Variants in IFNAR1 observed in about 807,000 individuals in gnomAD.
IFNAR1 encodes interferon alpha/beta receptor 1.
In IFNAR1, 47 loss-of-function variants were observed where a neutral mutation model predicts 62.1. The ratio of observed to expected loss-of-function variants is 0.76; its 90% confidence interval spans 0.60 to 0.97. The LOEUF (loss-of-function observed/expected upper bound fraction) is 0.97. Among genes scored for constraint, IFNAR1 ranks in the 50% least tolerant of loss-of-function variants. The pLI is 0.00. For synonymous variants in IFNAR1, 219 were observed against 226.9 expected (o/e 0.97, Z 0.31); for missense variants, 638 against 654.5 (o/e 0.97, Z 0.27).
chr21:33,345,285 G>C lies in IFNAR1; in HGVS notation c.713G>C (p.Ser238Thr), dbSNP rs775808557. 2 of 1,603,834 alleles carry C rather than the reference G, an allele frequency of 1.2e-6. No homozygotes were observed. Among genetic ancestry groups the C allele is most frequent in the South Asian group, 1.1e-5 (1 of 90,388 alleles). Reference sequence around the variant, plus strand: ...CCTCCACCAGAAAATATAGAAGTCAGTGTCCAAAATCAGAACTATGTTCTT... The same window carrying C: ...CCTCCACCAGAAAATATAGAAGTCACTGTCCAAAATCAGAACTATGTTCTT... ...ELPPPENIEV[S>T]VQNQNYVLKW... The change falls in exon 6 of 11, where the codon AGT becomes ACT. Residue 238 changes from serine (S) to threonine (T), a missense_variant. Ser to Thr is a moderately conservative substitution (Grantham distance 58). Transcript: ENST00000270139.
chr21:33,349,339 T>C (rs1601863420), intron 7 of IFNAR1, 49 bp downstream of exon 7: 1 of 1,570,430 alleles, frequency 6.4e-7, no homozygotes, highest in South Asian at 1.2e-5. Context: ...GTGCAAGTTT[T>C]TAAAATTGTT....
intron 1 of IFNAR1, among the ~76,000 whole-genome samples, chr21:33,327,532 T>C (rs1264335588): frequency 6.6e-6 from 1 of 152,224 alleles, no homozygotes; most frequent in Non-Finnish European, 1.5e-5. Flanking sequence ...ATCCTGAGTC[T>C]GGACTAATAG....
At chr21:33,334,330 A>G (rs1219989387) in intron 1 of IFNAR1, among the ~76,000 whole-genome samples, 1 of 152,208 alleles carries the variant, frequency 6.6e-6, no homozygotes, top group Non-Finnish European at 1.5e-5. Context: ...CAAACTTTTG[A>G]AAGCCAAAGA....
intron 3 of IFNAR1, 106 bp downstream of exon 3, chr21:33,341,280 A>G (rs939719015): frequency 4.9e-6 from 4 of 822,856 alleles, no homozygotes; most frequent in Non-Finnish European, 7.4e-6. Flanking sequence ...CATCTTTTAA[A>G]AAGAACAAAA....
chr21:33,348,669 G>T (rs973791382), intron 6 of IFNAR1, among the ~76,000 whole-genome samples: 3 of 152,074 alleles, frequency 2.0e-5, no homozygotes, highest in African/African-American at 7.2e-5. Flanking sequence ...AGGCCTGGTG[G>T]CGTGCACCTG....
At position 33,355,681 on chromosome 21, in the gene IFNAR1, T is replaced by C; in HGVS notation, c.*132T>C. Reference sequence around the variant, plus strand: ...TAGGGAAAGAAAAAACATCTTCAGATCATAGGTCCTAAAAATACGGGCAAG... The same window carrying C: ...TAGGGAAAGAAAAAACATCTTCAGACCATAGGTCCTAAAAATACGGGCAAG... On this transcript the variant is annotated 3_prime_UTR_variant, in exon 11 of 11. Transcript: ENST00000270139. The C allele has an allele frequency of 1.9e-6, 1 of 525,466 alleles. No homozygotes were observed. The highest frequency in any genetic ancestry group is 3.0e-5 in the South Asian group (1 of 33,700). 32.6% of individuals were successfully genotyped at this position (525,466 alleles called of 1,614,324 possible).
chr21:33,351,189 A>G (rs2083393659), intron 8 of IFNAR1, among the ~76,000 whole-genome samples: 1 of 152,178 alleles, frequency 6.6e-6, no homozygotes. Flanking sequence ...CTGCCGGATT[A>G]TGTGATTGGT....
intron 2 of IFNAR1, among the ~76,000 whole-genome samples, chr21:33,339,927 C>CAAAA (rs532975886): frequency 2.7e-4 from 22 of 81,818 alleles, no homozygotes; most frequent in African/African-American, 8.8e-4. Flanking sequence ...GACTCTGTCT[C>CAAAA]AAAAAAAAAA....
At chr21:33,344,786 T>TTATTTATGTATG (rs2083329665) in intron 5 of IFNAR1, among the ~76,000 whole-genome samples, 6 of 150,990 alleles carry the variant, frequency 4.0e-5, no homozygotes, top group Non-Finnish European at 7.4e-5. Context: ...ATTTATTTAT[T>TTATTTATGTATG]TATTTATTTA....
intron 10 of IFNAR1, among the ~76,000 whole-genome samples, chr21:33,354,235 G>A (rs1001139022): frequency 2.0e-5 from 3 of 152,166 alleles, no homozygotes; most frequent in Non-Finnish European, 2.9e-5. Flanking sequence ...CCAGCTACTC[G>A]GGAGGCTGAG....
At chr21:33,335,915 C>CTTTT (rs200187308) in intron 2 of IFNAR1, among the ~76,000 whole-genome samples, 7 of 135,108 alleles carry the variant, frequency 5.2e-5, no homozygotes, top group Admixed American at 1.5e-4. Flanking sequence ...GTTCCAGCTT[C>CTTTT]TTTTTTTTTT....
intron 10 of IFNAR1, among the ~76,000 whole-genome samples, chr21:33,354,592 C>G (rs953266854): frequency 6.6e-6 from 1 of 152,208 alleles, no homozygotes; most frequent in African/African-American, 2.4e-5. Context: ...TTGTTTGGCA[C>G]TTCTATGAAG....
chr21:33,338,578 AC>A (rs112612955), intron 2 of IFNAR1, among the ~76,000 whole-genome samples: 19,713 of 150,482 alleles, frequency 0.13, 2,327 homozygotes, highest in African/African-American at 0.31. Context: ...TTCATGCCAA[AC>A]ACTCTTCTGA....
chr21:33,345,170 G>C, intron 5 of IFNAR1, 76 bp from the exon 6 acceptor site: 1 of 727,652 alleles, frequency 1.4e-6, no homozygotes. Context: ...GATAAAATGC[G>C]AGCCTTTATC....
At chr21:33,331,225 T>C (rs1402621014) in intron 1 of IFNAR1, among the ~76,000 whole-genome samples, 2 of 152,196 alleles carry the variant, frequency 1.3e-5, no homozygotes, top group African/African-American at 4.8e-5. Flanking sequence ...TCCTATTTCC[T>C]GGGAACACAC....
chr21:33,352,831 C>T lies in IFNAR1; in HGVS notation c.1217C>T (p.Ala406Val), dbSNP rs780192570. The T allele has an allele frequency of 1.9e-6, 3 of 1,603,668 alleles. No homozygotes were observed. The South Asian group carries it at 3.3e-5, about 18-fold the overall frequency. Residue 406 changes from alanine (A) to valine (V), a missense_variant, in exon 9 of 11, where the codon GCC becomes GTC. Physicochemically the swap from Ala to Val is moderately conservative, Grantham distance 64. Coordinates refer to ENST00000270139, the MANE Select transcript of IFNAR1 (RefSeq NM_000629.3). ...LKPLTVYCVK[A>V]RAHTMDEKLN... ...CCACTGACTGTATATTGTGTGAAAG[C>T]CAGAGCACACACCATGGATGAAAAG...
rs901240633 is a variant in IFNAR1, at chr21:33,356,970, G to A, written c.*1421G>A. 1.3e-5 allele frequency: 2 copies of A among 152,154 alleles called. No individual in the cohort carries two copies. The highest frequency in any genetic ancestry group is 2.9e-5 in the Non-Finnish European group (2 of 68,044). The allele number at this position is 152,154 out of a possible 1,614,324, so 9.4% of individuals were successfully genotyped here. ...ACCCCTTCTGCTCAGCCTGCTTGGC[G>A]TTAAAATACAAATCATTGAACTGAG... On this transcript the variant is annotated 3_prime_UTR_variant, in exon 11 of 11. Transcript: ENST00000270139.
At chr21:33,347,174 G>A (rs1340874251) in intron 6 of IFNAR1, among the ~76,000 whole-genome samples, 3 of 147,686 alleles carry the variant, frequency 2.0e-5, no homozygotes, top group African/African-American at 7.5e-5. Flanking sequence ...CTGTCACCCA[G>A]ACTGGAGTGC....
In IFNAR1 at chr21:33,325,117, T is replaced by A; in HGVS notation, c.62T>A (p.Leu21Ter). ...CTCGTCGCCGTGGCGCCATGGGTGT[T>A]GTCCGCAGCCGCAGGTGAGAGGCGG... Reference protein sequence around the residue: ...LVLVAVAPWVLSAAAGGKNLK... With the variant: ...LVLVAVAPWV Residue 21 changes from leucine (L) to a stop codon, truncating the protein, a stop_gained, in exon 1 of 11, where the codon TTG becomes TAG. Transcript: ENST00000270139. LOFTEE classifies it high-confidence loss of function. The A allele has an allele frequency of 6.2e-7, 1 of 1,611,522 alleles. No homozygotes were observed. Among genetic ancestry groups the A allele is most frequent in the Non-Finnish European group, 8.5e-7 (1 of 1,179,546 alleles).
Sources: gnomAD v4.1 joint callset for allele counts (sites outside exome capture counted in the v4.1 genomes callset) on GRCh38, gnomAD v4.1.1 for gene constraint, MANE v1.5 for transcripts, NCBI Gene and HGNC (gene_info 2026-07-23, HGNC 2026-07-21) for gene names.